The following SLC23A3 variants were observed in gnomAD, a reference collection of about 807,000 sequenced individuals.
The protein encoded by SLC23A3 is solute carrier family 23 member 3, also known as E2-binding protein 3.
In SLC23A3, 41 loss-of-function variants were observed where a neutral mutation model predicts 64.7. The observed-to-expected ratio is 0.63, with a 90% CI of 0.49 to 0.82. The LOEUF (loss-of-function observed/expected upper bound fraction) is 0.82. Among genes scored for constraint, SLC23A3 ranks in the 40% least tolerant of loss-of-function variants. The pLI is 0.00. For synonymous variants in SLC23A3, 281 were observed against 306.8 expected (o/e 0.92, Z 0.88); for missense variants, 647 against 733.4 (o/e 0.88, Z 1.36).
At position 219,165,685 on chromosome 2, in the gene SLC23A3, CTTG is replaced by C. The variant is rs34448622; in HGVS notation, c.914-266_914-264del. ...CTTCCTTCATTCCTGCCACACTGGC[CTTG>C]TTGTAGGCCTTTGTACATGCTGTGC... is the stretch of plus-strand genomic sequence containing the variant. On this transcript the variant is annotated intron_variant, in intron 7 of 11. Transcript: ENST00000409878. Among the ~76,000 whole-genome samples, 1,404 of 152,352 alleles carry C rather than the reference CTTG, an allele frequency of 9.2e-3. 25 individuals are homozygous for C. The highest frequency in any genetic ancestry group is 0.031 in the African/African-American group (1,286 of 41,594).
rs766868363 is a variant in SLC23A3 at position 219,169,291 on chromosome 2, C to A, written c.418+18G>T. On this transcript the variant is annotated intron_variant, in intron 3 of 11. Transcript: ENST00000409878. The surrounding 1 kb of genome is among the most constrained non-coding windows in gnomAD (Gnocchi z 4.5). Reference sequence around the variant, plus strand: ...AACCCAGCCCCACCCTTACCCCTTGCCCTTGCTCTGTGCTCACAGTTTCCA... The same window carrying A: ...AACCCAGCCCCACCCTTACCCCTTGACCTTGCTCTGTGCTCACAGTTTCCA... 2.5e-6 allele frequency: 4 copies of A among 1,614,058 alleles called. No homozygotes were observed. Among genetic ancestry groups the A allele is most frequent in the African/African-American group, 1.3e-5 (1 of 74,936 alleles).
At chr2:219,167,753 A>G (rs534437884) in intron 7 of SLC23A3, among the ~76,000 whole-genome samples, 177 bp downstream of exon 7, 1 of 152,272 alleles carries the variant, frequency 6.6e-6, no homozygotes, top group South Asian at 2.1e-4. Context: ...CAAACAAACA[A>G]AAAAACACCT....
chr2:219,168,746 GC>G lies in SLC23A3; in HGVS notation c.579del (p.Leu195TrpfsTer18), dbSNP rs1950030546. The G allele has an allele frequency of 1.2e-6, 2 of 1,613,030 alleles. No individual in the cohort carries two copies. Among genetic ancestry groups the G allele is most frequent in the Non-Finnish European group, 1.7e-6 (2 of 1,179,562 alleles). ...ACCAGGCTGGGAGCCAGCACCAGGG[GC>G]CCACAGTGGGGGAACACGTGGCCGG... ...GSPGHVFPHC[G>X]PLVLAPSLVV... On this transcript the variant is annotated frameshift_variant, in exon 5 of 12. Transcript: ENST00000409878. LOFTEE classifies it high-confidence loss of function.
intron 4 of SLC23A3, 52 bp downstream of exon 4, chr2:219,168,976 GC>G (rs531385869): frequency 8.2e-5 from 129 of 1,568,828 alleles, no homozygotes; most frequent in East Asian, 3.6e-4. Context: ...GGAAACAAGA[GC>G]CCCCCCCAAG....
At chr2:219,163,135 GA>G (rs1395215556) in intron 10 of SLC23A3, among the ~76,000 whole-genome samples, 1 of 152,198 alleles carries the variant, frequency 6.6e-6, no homozygotes, top group Non-Finnish European at 1.5e-5. Flanking sequence ...TCTTGCCACT[GA>G]GCACTGTAGC....
chr2:219,168,080 A>C (rs1950021749), intron 6 of SLC23A3, 36 bp from the exon 7 acceptor site: 1 of 1,566,664 alleles, frequency 6.4e-7, no homozygotes. Context: ...CTCCTCCCCC[A>C]GAACCTTCTG....
chr2:219,163,389 T>G lies in SLC23A3; in HGVS notation c.1440A>C (p.Thr480=). 1 of 1,613,888 alleles carries G rather than the reference T, an allele frequency of 6.2e-7. No individual in the cohort carries two copies. The highest frequency in any genetic ancestry group is 8.5e-7 in the Non-Finnish European group (1 of 1,179,810). ...CAACGCCTCTTCCCTTCCACCTACC[T>G]GTGCTGAACAGGACTGGGGCTTCCC... ...WFREAPVLFS[T]GWSPLDVLLH... The change falls in exon 10 of 12, where the codon ACA becomes ACC. Residue 480 remains threonine (T), a splice_region_variant and synonymous_variant. Coordinates refer to ENST00000409878, the MANE Select transcript of SLC23A3 (RefSeq NM_001144889.2).
At chr2:219,165,067 G>A in intron 8 of SLC23A3, 102 bp downstream of exon 8, 6 of 1,413,398 alleles carry the variant, frequency 4.2e-6, no homozygotes, top group Non-Finnish European at 5.7e-6. Context: ...GATAGTTGAT[G>A]TGAGGTGCTA....
Position 219,168,833 on chromosome 2 carries a change from C to T in SLC23A3, c.493G>A (p.Val165Met), listed in dbSNP as rs771214707. The T allele has an allele frequency of 6.3e-7, 1 of 1,581,808 alleles. No individual in the cohort carries two copies. The highest frequency in any genetic ancestry group is 1.2e-5 in the South Asian group (1 of 85,714). The change falls in exon 5 of 12, where the codon GTG becomes ATG. Residue 165 changes from valine (V) to methionine (M), a missense_variant and splice_region_variant. Val to Met is a conservative substitution (Grantham distance 21, BLOSUM62 1). Coordinates refer to ENST00000409878, the MANE Select transcript of SLC23A3 (RefSeq NM_001144889.2). ...LGHWNTSLQEVSGAVVVSGLL... is the reference protein window; with the variant it reads ...LGHWNTSLQEMSGAVVVSGLL... Reference sequence around the variant, plus strand: ...CCAGATACTACCACTGCCCCGGACACCTGGTAGAAGAGAGGAGAGGATGGA... The same window carrying T: ...CCAGATACTACCACTGCCCCGGACATCTGGTAGAAGAGAGGAGAGGATGGA...
chr2:219,168,763 A>G lies in SLC23A3; in HGVS notation c.563T>C (p.Val188Ala). ...MMGLLGSPGH[V>A]FPHCGPLVLA... is the part of the protein sequence containing the mutation. The stretch of plus-strand genomic sequence containing the variant: ...CACCAGGGGCCCACAGTGGGGGAAC[A>G]CGTGGCCGGGACTCCCCAGCAGCCC... Residue 188 changes from valine to alanine, a missense_variant, in exon 5 of 12, where the codon GTG becomes GCG. By Grantham distance (64) the Val-to-Ala change is moderately conservative. Transcript: ENST00000409878. 1 of 1,611,780 alleles carries G rather than the reference A, an allele frequency of 6.2e-7. No homozygotes were observed. Among genetic ancestry groups the G allele is most frequent in the South Asian group, 1.1e-5 (1 of 90,802 alleles).
Position 219,164,228 on chromosome 2 carries a change from C to A in SLC23A3, c.1273+5G>T. On this transcript the variant is annotated splice_donor_5th_base_variant and intron_variant, in intron 9 of 11. Coordinates refer to ENST00000409878, the MANE Select transcript of SLC23A3 (RefSeq NM_001144889.2). ...AATACCAGCCCTGTTGATACATCCA[C>A]TCACCAACAACAGGCAGTGGGATGG... is the stretch of plus-strand genomic sequence containing the variant. 6.3e-7 allele frequency: 1 copy of A among 1,595,202 alleles called. No individual in the cohort carries two copies. The highest frequency in any genetic ancestry group is 8.6e-7 in the Non-Finnish European group (1 of 1,167,200).
rs1484387151 is a variant in SLC23A3 at position 219,162,337 on chromosome 2, G to C, written c.1499C>G (p.Ala500Gly). The change falls in exon 11 of 12, where the codon GCT (alanine) becomes GGT (glycine). Residue 500 changes from alanine to glycine, a missense_variant. Coordinates refer to ENST00000409878, the MANE Select transcript of SLC23A3 (RefSeq NM_001144889.2). ...CTCTAGTAGGAAGCCTGAGAGTCCAGCCAGGAAGATGGGCTGTGTCAGCAG... is the reference window on the plus strand; with the variant it reads ...CTCTAGTAGGAAGCCTGAGAGTCCACCCAGGAAGATGGGCTGTGTCAGCAG... Reference protein sequence around the residue: ...HSLLTQPIFLAGLSGFLLENT... With the variant: ...HSLLTQPIFLGGLSGFLLENT... The C allele has an allele frequency of 1.2e-6, 2 of 1,614,140 alleles. No individual in the cohort carries two copies. Among genetic ancestry groups the C allele is most frequent in the Non-Finnish European group, 1.7e-6 (2 of 1,180,030 alleles).
Position 219,169,101 on chromosome 2 carries a change from G to T in SLC23A3, c.420C>A (p.Ser140=). Residue 140 remains serine, a splice_region_variant and synonymous_variant, in exon 4 of 12, where the codon TCC becomes TCA. Transcript: ENST00000409878. The surrounding 1 kb of genome is among the most constrained non-coding windows in gnomAD (Gnocchi z 4.5). ...LPRAIQTPGN[S]SLMLHLCRGP... ...CCCTACAAAGGTGCAGCATGAGGGAGGCTAGGAAAAGTTTGGGGCATGGAG... is the reference window on the plus strand; with the variant it reads ...CCCTACAAAGGTGCAGCATGAGGGATGCTAGGAAAAGTTTGGGGCATGGAG... 1 of 1,614,052 alleles carries T rather than the reference G, an allele frequency of 6.2e-7. No individual in the cohort carries two copies. The highest frequency in any genetic ancestry group is 8.5e-7 in the Non-Finnish European group (1 of 1,179,920).
chr2:219,168,809 C>T lies in SLC23A3; in HGVS notation c.517G>A (p.Gly173Arg). The change falls in exon 5 of 12, where the codon GGG (glycine) becomes AGG (arginine). Residue 173 changes from glycine to arginine, a missense_variant. Gly to Arg is a moderately radical substitution (Grantham distance 125). Coordinates refer to ENST00000409878, the MANE Select transcript of SLC23A3 (RefSeq NM_001144889.2). The part of the protein sequence containing the change: ...QEVSGAVVVS[G>R]LLQGMMGLLG... ...AGCCCCATCATGCCCTGCAGCAGCC[C>T]AGATACTACCACTGCCCCGGACACC... 6.3e-7 allele frequency: 1 copy of T among 1,594,684 alleles called. No homozygotes were observed. Among genetic ancestry groups the T allele is most frequent in the Non-Finnish European group, 8.5e-7 (1 of 1,170,548 alleles).
At chr2:219,165,612 G>A (rs763440137) in intron 7 of SLC23A3, among the ~76,000 whole-genome samples, 190 bp from the exon 8 acceptor site, 2 of 152,240 alleles carry the variant, frequency 1.3e-5, no homozygotes, top group Non-Finnish European at 2.9e-5. Context: ...TCTTTGGTCT[G>A]GCCCTTCCCT....
In SLC23A3 at chr2:219,169,717, G is replaced by C. The variant is rs2106380619; in HGVS notation, c.163-39C>G. ...AATGGGGAGGGCAGTCTTCAGAGAAGTGGAAATACCTACAATACTTCCAGA... is the reference window on the plus strand; with the variant it reads ...AATGGGGAGGGCAGTCTTCAGAGAACTGGAAATACCTACAATACTTCCAGA... On this transcript the variant is annotated intron_variant, in intron 1 of 11. Transcript: ENST00000409878. This position sits in a 1 kb window ranked among gnomAD's most constrained non-coding sequence, Gnocchi z 4.5. The C allele has an allele frequency of 6.2e-7, 1 of 1,613,268 alleles. No homozygotes were observed. The highest frequency in any genetic ancestry group is 2.2e-5 in the East Asian group (1 of 44,886).
Position 219,169,299 on chromosome 2 carries a change from C to T in SLC23A3, c.418+10G>A. On this transcript the variant is annotated intron_variant, in intron 3 of 11. Coordinates refer to ENST00000409878, the MANE Select transcript of SLC23A3 (RefSeq NM_001144889.2). This position sits in a 1 kb window ranked among gnomAD's most constrained non-coding sequence, Gnocchi z 4.5. ...CCCACCCTTACCCCTTGCCCTTGCTCTGTGCTCACAGTTTCCAGGTGTCTG... is the reference window on the plus strand; with the variant it reads ...CCCACCCTTACCCCTTGCCCTTGCTTTGTGCTCACAGTTTCCAGGTGTCTG... The T allele has an allele frequency of 6.2e-7, 1 of 1,614,234 alleles. No individual in the cohort carries two copies. Among genetic ancestry groups the T allele is most frequent in the Non-Finnish European group, 8.5e-7 (1 of 1,180,036 alleles).
chr2:219,169,277 A>G lies in SLC23A3; in HGVS notation c.418+32T>C, dbSNP rs763888229. The G allele has an allele frequency of 6.2e-7, 1 of 1,613,816 alleles. No homozygotes were observed. Among genetic ancestry groups the G allele is most frequent in the Middle Eastern group, 1.7e-4 (1 of 5,938 alleles). ...CATGCTCAGATGAGAACCCAGCCCCACCCTTACCCCTTGCCCTTGCTCTGT... is the reference window on the plus strand; with the variant it reads ...CATGCTCAGATGAGAACCCAGCCCCGCCCTTACCCCTTGCCCTTGCTCTGT... On this transcript the variant is annotated intron_variant, in intron 3 of 11. Coordinates refer to ENST00000409878, the MANE Select transcript of SLC23A3 (RefSeq NM_001144889.2). This position sits in a 1 kb window ranked among gnomAD's most constrained non-coding sequence, Gnocchi z 4.5.
chr2:219,166,691 G>C (rs2106378176), intron 7 of SLC23A3, among the ~76,000 whole-genome samples: 1 of 152,092 alleles, frequency 6.6e-6, no homozygotes, highest in South Asian at 2.1e-4. Flanking sequence ...TGTGCCACTA[G>C]GCCCAGCTAA....
Sources: allele counts gnomAD v4.1 joint callset (sites outside exome capture counted in the v4.1 genomes callset), GRCh38; gene constraint gnomAD v4.1.1; non-coding constraint Gnocchi (gnomAD v3.1); transcripts MANE v1.5; gene names NCBI Gene and HGNC (gene_info 2026-07-23, HGNC 2026-07-21).